Variants in SLCO6A1 observed in about 807,000 individuals in gnomAD.
SLCO6A1 encodes the protein cancer/testis antigen 48.
Under a neutral mutation model 72.7 loss-of-function variants are expected in SLCO6A1, and 65 were observed. The ratio of observed to expected loss-of-function variants is 0.89; its 90% CI spans 0.73 to 1.10. SLCO6A1 has a LOEUF of 1.10. Ranked by LOEUF, SLCO6A1 falls within the 50% of genes least tolerant of loss-of-function variation. The pLI is 0.00. For synonymous variants in SLCO6A1, 314 were observed against 298.2 expected (o/e 1.05, Z -0.55); for missense variants, 874 against 872.6 (o/e 1.00, Z -0.02).
At chr5:102,392,473 T>C (rs1240452724) in intron 10 of SLCO6A1, among the ~76,000 whole-genome samples, 5 of 152,074 alleles carry the variant, frequency 3.3e-5, no homozygotes. Context: ...ATTGGAGCTA[T>C]GTGAAGCACA....
At chr5:102,497,657 CCTT>C (rs894228654) in intron 1 of SLCO6A1, among the ~76,000 whole-genome samples, 2 of 152,200 alleles carry the variant, frequency 1.3e-5, no homozygotes, top group Admixed American at 6.5e-5. Flanking sequence ...CTAATCCACT[CCTT>C]CTTGCTTCTA....
At chr5:102,378,190 TAAG>T (rs758067894) in intron 12 of SLCO6A1, among the ~76,000 whole-genome samples, 1 of 151,964 alleles carries the variant, frequency 6.6e-6, no homozygotes, top group Non-Finnish European at 1.5e-5. Context: ...TTAGGGTACA[TAAG>T]AAAATGTGGC....
intron 7 of SLCO6A1, among the ~76,000 whole-genome samples, chr5:102,427,276 AAG>A (rs765621140): frequency 4.0e-4 from 61 of 152,200 alleles, no homozygotes; most frequent in Non-Finnish European, 6.3e-4. Context: ...AAAAAGATAA[AAG>A]AGTGAGAGAA....
chr5:102,435,767 C>T (rs932211413), intron 7 of SLCO6A1, among the ~76,000 whole-genome samples: 2 of 151,752 alleles, frequency 1.3e-5, no homozygotes. Flanking sequence ...CCCAGCTACT[C>T]GGAAGGCTGA....
chr5:102,477,196 G>A (rs10042838), intron 3 of SLCO6A1, among the ~76,000 whole-genome samples: 5,511 of 152,026 alleles, frequency 0.036, 333 homozygotes, highest in African/African-American at 0.13. Context: ...ATCTTGGCTC[G>A]CTGCAATCTC....
chr5:102,409,576 G>A (rs1747861640), intron 9 of SLCO6A1, among the ~76,000 whole-genome samples: 1 of 151,974 alleles, frequency 6.6e-6, no homozygotes, highest in Non-Finnish European at 1.5e-5. Flanking sequence ...TTTACTAAAA[G>A]CTTCTACTTG....
Position 102,419,782 on chromosome 5 carries a change from G to A in SLCO6A1, c.1472+44C>T, listed in dbSNP as rs779393327. On this transcript the variant is annotated intron_variant, in intron 8 of 13. Coordinates refer to ENST00000506729, the MANE Select transcript of SLCO6A1 (RefSeq NM_173488.5). The stretch of plus-strand genomic sequence containing the variant: ...TTATTAATTGCCTGAGGAATATGCT[G>A]TAGGATTTTGATGTAAAAGTCTAAT... The A allele has an allele frequency of 1.1e-5, 16 of 1,453,644 alleles. No homozygotes were observed. In the South Asian group the frequency reaches 1.3e-4, roughly 12 times the overall value. 90.0% of individuals were successfully genotyped at this position (1,453,644 alleles called of 1,614,324 possible). A position where few individuals can be genotyped will look rare whatever the true frequency, so the allele number is the denominator to read the frequency against.
chr5:102,399,600 A>G lies in SLCO6A1; in HGVS notation c.1769T>C (p.Ile590Thr), dbSNP rs756043907. Reference sequence around the variant, plus strand: ...TGGTACACCAGAAAAACCAGAAAATATAAGTGTAGAAAAGATAAAAGCAAT... The same window carrying G: ...TGGTACACCAGAAAAACCAGAAAATGTAAGTGTAGAAAAGATAAAAGCAAT... ...LFIAFIFSTL[I>T]FSGFSGVPIV... is the part of the protein sequence containing the mutation. Residue 590 changes from isoleucine to threonine, a missense_variant, in exon 10 of 14, where the codon ATA becomes ACA. Physicochemically the swap from Ile to Thr is moderately conservative, Grantham distance 89 (BLOSUM62 -1). Coordinates refer to ENST00000506729, the MANE Select transcript of SLCO6A1 (RefSeq NM_173488.5). 3.1e-5 allele frequency: 50 copies of G among 1,593,512 alleles called. 1 individual carries two copies. The highest frequency in any genetic ancestry group is 3.9e-5 in the Non-Finnish European group (46 of 1,167,742).
At chr5:102,429,668 T>C (rs1219885905) in intron 7 of SLCO6A1, among the ~76,000 whole-genome samples, 3 of 152,224 alleles carry the variant, frequency 2.0e-5, no homozygotes, top group African/African-American at 7.2e-5. Context: ...TCTATGTGTC[T>C]GTTTTTGTAC....
chr5:102,409,546 C>T (rs1415151368), intron 9 of SLCO6A1, among the ~76,000 whole-genome samples: 1 of 151,988 alleles, frequency 6.6e-6, no homozygotes. Flanking sequence ...ATCCATTAAT[C>T]GTTTCCATCC....
At chr5:102,477,638 C>G (rs188982812) in intron 3 of SLCO6A1, 38 bp downstream of exon 3, 7 of 1,566,554 alleles carry the variant, frequency 4.5e-6, no homozygotes. Flanking sequence ...AAAGAAAACT[C>G]AAAATGGGTC....
At position 102,427,879 on chromosome 5, in the gene SLCO6A1, T is replaced by A. The variant is rs1270338982; in HGVS notation, c.1277-7858A>T. On this transcript the variant is annotated intron_variant, in intron 7 of 13. Coordinates refer to ENST00000506729, the MANE Select transcript of SLCO6A1 (RefSeq NM_173488.5). ...ATATATATATATTTTTTTTTTTTTT[T>A]TTTTTTTTGAGACCGAGTCTTGCTC... Among the ~76,000 whole-genome samples, 407 of 134,902 alleles carry A rather than the reference T, an allele frequency of 3.0e-3. 4 individuals are homozygous for A. The highest frequency in any genetic ancestry group is 5.6e-3 in the Non-Finnish European group (351 of 62,262). 88.5% of individuals were successfully genotyped at this position (134,902 alleles called of 152,430 possible). A position where few individuals can be genotyped will look rare whatever the true frequency, so the allele number is the denominator to read the frequency against.
At chr5:102,487,195 T>C (rs527542087) in intron 1 of SLCO6A1, among the ~76,000 whole-genome samples, 1 of 152,348 alleles carries the variant, frequency 6.6e-6, no homozygotes, top group East Asian at 1.9e-4. Context: ...GCATGTGTTA[T>C]CTTTTTCAGC....
chr5:102,377,403 T>C (rs780180603), intron 12 of SLCO6A1, among the ~76,000 whole-genome samples: 10 of 152,194 alleles, frequency 6.6e-5, no homozygotes, highest in South Asian at 2.1e-4. Flanking sequence ...TCTACTTATA[T>C]AAATTTCTAG....
chr5:102,476,616 A>G (rs756694162), intron 3 of SLCO6A1, among the ~76,000 whole-genome samples: 27 of 152,134 alleles, frequency 1.8e-4, no homozygotes, highest in Non-Finnish European at 3.2e-4. Context: ...ACCATCATAC[A>G]TACTATCCAA....
intron 7 of SLCO6A1, among the ~76,000 whole-genome samples, chr5:102,433,709 C>T (rs763004583): frequency 1.3e-5 from 2 of 152,146 alleles, no homozygotes; most frequent in Non-Finnish European, 2.9e-5. Flanking sequence ...CTTTGTAGGG[C>T]AGTGGCAATG....
intron 1 of SLCO6A1, among the ~76,000 whole-genome samples, chr5:102,484,807 C>T (rs2112843469): frequency 6.6e-6 from 1 of 152,024 alleles, no homozygotes; most frequent in South Asian, 2.1e-4. Context: ...ATACTTTAAC[C>T]AGTTTCTTAG....
intron 9 of SLCO6A1, among the ~76,000 whole-genome samples, chr5:102,400,947 T>C (rs930456268): frequency 2.0e-5 from 3 of 151,992 alleles, no homozygotes; most frequent in African/African-American, 2.4e-5. Flanking sequence ...CACCATTCCA[T>C]GTAGAAAACT....
At chr5:102,419,706 T>A in intron 8 of SLCO6A1, 120 bp downstream of exon 8, 2 of 799,956 alleles carry the variant, frequency 2.5e-6, no homozygotes, top group Non-Finnish European at 3.9e-6. Flanking sequence ...CTTTTATGTG[T>A]TTGATAATTC....
Sources: gnomAD v4.1 joint callset for allele counts (sites outside exome capture counted in the v4.1 genomes callset) on GRCh38, gnomAD v4.1.1 for gene constraint, MANE v1.5 for transcripts, NCBI Gene and HGNC (gene_info 2026-07-23, HGNC 2026-07-21) for gene names.